Variants in MUC5B observed in about 807,000 individuals in gnomAD.
The protein encoded by MUC5B is mucin-5B.
MUC5B carries 116 observed loss-of-function variants against 376.9 expected under a neutral mutation model. The ratio of observed to expected loss-of-function variants is 0.31; its 90% CI spans 0.26 to 0.36. The LOEUF is 0.36. Among genes scored for constraint, MUC5B ranks in the 10% least tolerant of loss-of-function variants. MUC5B has a pLI of 1.00. For synonymous variants in MUC5B, 3,517 were observed against 3,390.9 expected, an observed-to-expected ratio of 1.04 and a Z score of -1.29; for missense variants, 7,165 against 7,769.9, an observed-to-expected ratio of 0.92 and a Z score of 2.93.
At chr11:1,238,763 T>G (rs2133820556) in intron 25 of MUC5B, 108 bp from the exon 26 acceptor site, 10 of 1,208,376 alleles carry the variant, frequency 8.3e-6, no homozygotes, top group Non-Finnish European at 1.2e-5. Flanking sequence ...AGAGCTGCCA[T>G]GGGGGGTGTT....
chr11:1,234,815 G>A lies in MUC5B; in HGVS notation c.2630+135G>A, dbSNP rs1034605071. On this transcript the variant is annotated intron_variant, in intron 21 of 48. Transcript: ENST00000529681. This position sits in a 1 kb window ranked among gnomAD's most constrained non-coding sequence, Gnocchi z 6.3. ...CAGCTGGCCAGGGTGAGGTGGGGCCGTGGCAGGAGAGAGAGTTGCTAGGAA... is the reference window on the plus strand; with the variant it reads ...CAGCTGGCCAGGGTGAGGTGGGGCCATGGCAGGAGAGAGAGTTGCTAGGAA... The A allele has an allele frequency of 3.9e-5, 45 of 1,147,470 alleles. No individual in the cohort carries two copies. The East Asian group carries it at 4.9e-4, about 13-fold the overall frequency. 71.1% of individuals were successfully genotyped at this position (1,147,470 alleles called of 1,614,324 possible). A position where few individuals can be genotyped will look rare whatever the true frequency, so the allele number is the denominator to read the frequency against.
At position 1,245,418 on chromosome 11, in the gene MUC5B, C is replaced by A; in HGVS notation, c.8538C>A (p.Ser2846Arg). The part of the protein sequence containing the change: ...TSRTTATATP[S>R]KTRTSTLLPS... ...GGACCACGGCCACGGCCACACCCAG[C>A]AAGACCCGCACCTCGACCCTGCTGC... Residue 2846 changes from serine to arginine, a missense_variant, in exon 31 of 49, where the codon AGC becomes AGA. Physicochemically the swap from Ser to Arg is moderately radical, Grantham distance 110. Transcript: ENST00000529681. 1.3e-6 allele frequency: 2 copies of A among 1,560,770 alleles called. No individual in the cohort carries two copies. The highest frequency in any genetic ancestry group is 1.7e-6 in the Non-Finnish European group (2 of 1,150,904).
In MUC5B at chr11:1,241,898, G is replaced by C; in HGVS notation, c.5018G>C (p.Gly1673Ala). The stretch of plus-strand genomic sequence containing the variant: ...ACCCTTGGTACAGCCACCACGGGAG[G>C]CCCCACGACGCCTGCAGGCTCCACA... ...TSTLGTATTG[G>A]PTTPAGSTEP... is the part of the protein sequence containing the mutation. Residue 1673 changes from glycine to alanine, a missense_variant, in exon 31 of 49, where the codon GGC becomes GCC. Around this residue, in one of 31 missense-constraint regions of MUC5B, gnomAD observed 897 missense variants for 779.6 expected, o/e 1.15. Coordinates refer to ENST00000529681, the MANE Select transcript of MUC5B (RefSeq NM_002458.3). 1 of 1,611,132 alleles carries C rather than the reference G, an allele frequency of 6.2e-7. No homozygotes were observed. The highest frequency in any genetic ancestry group is 8.5e-7 in the Non-Finnish European group (1 of 1,178,830).
Position 1,242,911 on chromosome 11 carries a change from T to C in MUC5B, c.6031T>C (p.Ser2011Pro). The C allele has an allele frequency of 6.2e-7, 1 of 1,610,624 alleles. No homozygotes were observed. ...PTATMSTATP[S>P]STPETAHTST... ...GGCCACCATGTCCACAGCCACACCCTCCTCCACTCCAGAGACTGCCCACAC... is the reference window on the plus strand; with the variant it reads ...GGCCACCATGTCCACAGCCACACCCCCCTCCACTCCAGAGACTGCCCACAC... Residue 2011 changes from serine to proline, a missense_variant, in exon 31 of 49, where the codon TCC (serine) becomes CCC (proline). Ser to Pro is a moderately conservative substitution (Grantham distance 74). This residue lies in a region of MUC5B where 897 missense variants were observed against 779.6 expected (regional missense o/e 1.15). Transcript: ENST00000529681.
intron 25 of MUC5B, 144 bp from the exon 26 acceptor site, chr11:1,238,727 A>C: frequency 1.1e-6 from 1 of 887,326 alleles, no homozygotes; most frequent in East Asian, 2.7e-5. Context: ...GCACGCTCTG[A>C]GGTATTCCAG....
Position 1,234,150 on chromosome 11 carries a change from T to C in MUC5B, c.2378-55T>C, listed in dbSNP as rs1333083404. 20 of 1,424,684 alleles carry C rather than the reference T, an allele frequency of 1.4e-5. No homozygotes were observed. The highest frequency in any genetic ancestry group is 7.4e-5 in the East Asian group (3 of 40,742). The allele number at this position is 1,424,684 out of a possible 1,614,324, so 88.3% of individuals were successfully genotyped here. ...CAGGCTCAGGGCTGCCTGGGGTCAG[T>C]TGAGGGCCGTGGCTGCCCTTCCCCA... is the stretch of plus-strand genomic sequence containing the variant. On this transcript the variant is annotated intron_variant, in intron 19 of 48. Coordinates refer to ENST00000529681, the MANE Select transcript of MUC5B (RefSeq NM_002458.3). This position sits in a 1 kb window ranked among gnomAD's most constrained non-coding sequence, Gnocchi z 6.3.
rs61742791 is a variant in MUC5B at position 1,236,983 on chromosome 11, C to A, written c.3116C>A (p.Thr1039Lys). Residue 1039 changes from threonine (T) to lysine (K), a missense_variant, in exon 25 of 49, where the codon ACG becomes AAG. Physicochemically the swap from Thr to Lys is moderately conservative, Grantham distance 78. Coordinates refer to ENST00000529681, the MANE Select transcript of MUC5B (RefSeq NM_002458.3). ...GACAATGCCATCAATGACTTTGCCA[C>A]GCGTAGCCGGTCCGTGGTGGGGGAC... The part of the protein sequence containing the change: ...FDDNAINDFA[T>K]RSRSVVGDAL... The A allele has an allele frequency of 6.4e-7, 1 of 1,562,594 alleles. No homozygotes were observed.
rs773359535 is a variant in MUC5B, at chr11:1,236,523, G to C, written c.3018G>C (p.Arg1006=). 1 of 1,613,038 alleles carries C rather than the reference G, an allele frequency of 6.2e-7. No homozygotes were observed. Among genetic ancestry groups the C allele is most frequent in the Non-Finnish European group, 8.5e-7 (1 of 1,179,840 alleles). ...ACGGGATGGCCGTGTCCTGGGACCG[G>C]AAGACCAGCGTGTTCATCCGACTGC... ...ETHGMAVSWD[R]KTSVFIRLHQ... The change falls in exon 24 of 49, where the codon CGG becomes CGC. Residue 1006 remains arginine, a synonymous_variant. Coordinates refer to ENST00000529681, the MANE Select transcript of MUC5B (RefSeq NM_002458.3).
chr11:1,233,789 G>A lies in MUC5B; in HGVS notation c.2322-4G>A, dbSNP rs1862091131. 1.2e-6 allele frequency: 2 copies of A among 1,603,554 alleles called. No individual in the cohort carries two copies. The highest frequency in any genetic ancestry group is 1.7e-5 in the Admixed American group (1 of 58,888). ...ATCCAGGCTGTGCCGTCTGTCTCTTGTAGTTCATGTACGGGTGGGAAGCTA... is the reference window on the plus strand; with the variant it reads ...ATCCAGGCTGTGCCGTCTGTCTCTTATAGTTCATGTACGGGTGGGAAGCTA... On this transcript the variant is annotated splice_region_variant and splice_polypyrimidine_tract_variant and intron_variant, in intron 18 of 48. Coordinates refer to ENST00000529681, the MANE Select transcript of MUC5B (RefSeq NM_002458.3).
In MUC5B at chr11:1,249,618, G is replaced by C; in HGVS notation, c.12738G>C (p.Thr4246=). 8.7e-6 allele frequency: 14 copies of C among 1,610,412 alleles called. No individual in the cohort carries two copies. The highest frequency in any genetic ancestry group is 1.2e-5 in the Non-Finnish European group (14 of 1,178,380). ...STAMPSSTPG[T]TWILTELTTT... ...CCATGCCCTCCTCCACTCCGGGGACGACCTGGATCCTCACAGAGCTGACCA... is the reference window on the plus strand; with the variant it reads ...CCATGCCCTCCTCCACTCCGGGGACCACCTGGATCCTCACAGAGCTGACCA... Residue 4246 remains threonine (T), a synonymous_variant, in exon 31 of 49, where the codon ACG becomes ACC. Coordinates refer to ENST00000529681, the MANE Select transcript of MUC5B (RefSeq NM_002458.3).
At chr11:1,225,789 G>A (rs1861867164) in intron 2 of MUC5B, 52 bp downstream of exon 2, 2 of 1,550,690 alleles carry the variant, frequency 1.3e-6, no homozygotes, top group Admixed American at 3.7e-5. Context: ...TGGAGGGGCT[G>A]GAATTTGGGC....
chr11:1,249,491 G>A lies in MUC5B; in HGVS notation c.12611G>A (p.Arg4204His), dbSNP rs1398317264. The A allele has an allele frequency of 8.7e-6, 14 of 1,611,534 alleles. No individual in the cohort carries two copies. The highest frequency in any genetic ancestry group is 2.2e-5 in the East Asian group (1 of 44,872). The part of the protein sequence containing the change: ...SLDFGLVCRN[R>H]EQVGKFKMCF... Reference sequence around the variant, plus strand: ...GACTTTGGCCTGGTCTGCAGGAACCGTGAGCAGGTGGGGAAGTTCAAGATG... The same window carrying A: ...GACTTTGGCCTGGTCTGCAGGAACCATGAGCAGGTGGGGAAGTTCAAGATG... Residue 4204 changes from arginine to histidine, a missense_variant, in exon 31 of 49, where the codon CGT becomes CAT. Arg to His is a conservative substitution (Grantham distance 29). This residue lies in a region of MUC5B where 38 missense variants were observed against 72.5 expected (regional missense o/e 0.52). Transcript: ENST00000529681.
chr11:1,249,658 A>T lies in MUC5B; in HGVS notation c.12778A>T (p.Thr4260Ser). The T allele has an allele frequency of 6.2e-7, 1 of 1,610,922 alleles. No individual in the cohort carries two copies. The highest frequency in any genetic ancestry group is 8.5e-7 in the Non-Finnish European group (1 of 1,178,260). Reference sequence around the variant, plus strand: ...AGAGCTGACCACAACAGCCACTACGACTGCATCCACTGGATCCACGGCCAC... The same window carrying T: ...AGAGCTGACCACAACAGCCACTACGTCTGCATCCACTGGATCCACGGCCAC... ...LTELTTTATT[T>S]ASTGSTATPS... Residue 4260 changes from threonine (T) to serine (S), a missense_variant, in exon 31 of 49, where the codon ACT (threonine) becomes TCT (serine). Thr to Ser is a moderately conservative substitution (Grantham distance 58). Around this residue, in one of 31 missense-constraint regions of MUC5B, gnomAD observed 431 missense variants for 390.4 expected, o/e 1.10. Coordinates refer to ENST00000529681, the MANE Select transcript of MUC5B (RefSeq NM_002458.3).
Position 1,251,558 on chromosome 11 carries a change from C to G in MUC5B, c.14678C>G (p.Thr4893Arg), listed in dbSNP as rs190158159. The change falls in exon 31 of 49, where the codon ACG becomes AGG. Residue 4893 changes from threonine (T) to arginine (R), a missense_variant. Coordinates refer to ENST00000529681, the MANE Select transcript of MUC5B (RefSeq NM_002458.3). ...MATMPTATASTVPSSSTVGTT... is the reference protein window; with the variant it reads ...MATMPTATASRVPSSSTVGTT... ...ACTATGCCCACAGCCACTGCCTCCA[C>G]GGTTCCCAGCTCGTCCACCGTGGGG... is the stretch of plus-strand genomic sequence containing the variant. The G allele has an allele frequency of 5.0e-5, 81 of 1,612,956 alleles. No homozygotes were observed. Among genetic ancestry groups the G allele is most frequent in the Non-Finnish European group, 6.2e-5 (73 of 1,179,786 alleles).
Position 1,241,223 on chromosome 11 carries a change from CCAG to C in MUC5B, c.4346_4348del (p.Ser1449del). ...ACCAGCCCTCAGCCCTCCCTCAGTGCCAGCACGGAGCCTGCTGTGCCTACCCCA... is the reference window on the plus strand; with the variant it reads ...ACCAGCCCTCAGCCCTCCCTCAGTGCCACGGAGCCTGCTGTGCCTACCCCA... On this transcript the variant is annotated inframe_deletion, in exon 31 of 49. Transcript: ENST00000529681. 6.3e-7 allele frequency: 1 copy of C among 1,592,436 alleles called. No homozygotes were observed. Among genetic ancestry groups the C allele is most frequent in the African/African-American group, 1.3e-5 (1 of 74,402 alleles).
At position 1,235,317 on chromosome 11, in the gene MUC5B, C is replaced by T. The variant is rs776826723; in HGVS notation, c.2784C>T (p.Asp928=). Reference sequence around the variant, plus strand: ...TTCTGGCCCAGGACTACTGTGGGGACAACACCACCCACGGGACCTTCCGCA... The same window carrying T: ...TTCTGGCCCAGGACTACTGTGGGGATAACACCACCCACGGGACCTTCCGCA... ...EYILAQDYCG[D]NTTHGTFRIV... Residue 928 remains aspartate, a synonymous_variant, in exon 23 of 49, where the codon GAC becomes GAT. Coordinates refer to ENST00000529681, the MANE Select transcript of MUC5B (RefSeq NM_002458.3). 4 of 1,612,944 alleles carry T rather than the reference C, an allele frequency of 2.5e-6. No homozygotes were observed. Among genetic ancestry groups the T allele is most frequent in the Non-Finnish European group, 3.4e-6 (4 of 1,179,704 alleles).
In MUC5B at chr11:1,237,146, C is replaced by T. The variant is rs572788118; in HGVS notation, c.3279C>T (p.Phe1093=). The T allele has an allele frequency of 9.9e-5, 141 of 1,423,102 alleles. 1 individual carries two copies. The highest frequency in any genetic ancestry group is 3.8e-4 in the Middle Eastern group (2 of 5,306). 88.2% of individuals were successfully genotyped at this position (1,423,102 alleles called of 1,614,324 possible). ...GCAGCATCCTCCACGGCCCCACCTT[C>T]GCCGCCTGCCGCTCCCAGGTGGGGC... ...KQCSILHGPT[F]AACRSQVDST... is the part of the protein sequence containing the mutation. Residue 1093 remains phenylalanine, a synonymous_variant, in exon 25 of 49, where the codon TTC becomes TTT. Coordinates refer to ENST00000529681, the MANE Select transcript of MUC5B (RefSeq NM_002458.3).
In MUC5B at chr11:1,251,644, T is replaced by C; in HGVS notation, c.14764T>C (p.Ser4922Pro). The change falls in exon 31 of 49, where the codon TCC (serine) becomes CCC (proline). Residue 4922 changes from serine (S) to proline (P), a missense_variant. By Grantham distance (74) the Ser-to-Pro change is moderately conservative. Transcript: ENST00000529681. Reference protein sequence around the residue: ...SLPTFSVSTVSSSVLTTLRPT... With the variant: ...SLPTFSVSTVPSSVLTTLRPT... ...GCCAACCTTCAGCGTGTCCACTGTG[T>C]CCTCCTCAGTCCTCACCACCCTGAG... 6.2e-7 allele frequency: 1 copy of C among 1,613,080 alleles called. No homozygotes were observed. Among genetic ancestry groups the C allele is most frequent in the Non-Finnish European group, 8.5e-7 (1 of 1,179,794 alleles).
At chr11:1,230,389 C>T in intron 11 of MUC5B, 101 bp from the exon 12 acceptor site, 1 of 1,237,650 alleles carries the variant, frequency 8.1e-7, no homozygotes, top group Non-Finnish European at 1.1e-6. Context: ...ACCACCTCCC[C>T]ACAGAGCCAC....
Sources: gnomAD v4.1 joint callset for allele counts on GRCh38, gnomAD v4.1.1 for gene constraint, gnomAD v4.1.1 regional missense constraint, Gnocchi (gnomAD v3.1) non-coding constraint, MANE v1.5 for transcripts, NCBI Gene and HGNC (gene_info 2026-07-23, HGNC 2026-07-21) for gene names.